Variants in CLEC4C observed in about 807,000 individuals in gnomAD.
CLEC4C encodes C-type lectin domain family 4 member C, also known as C-type (calcium dependent, carbohydrate-recognition domain) lectin, superfamily member 11.
In CLEC4C, 17 loss-of-function variants were observed where a neutral mutation model predicts 27.7. The observed-to-expected ratio is 0.61, with a 90% CI of 0.42 to 0.92. The LOEUF is 0.92. Ranked by LOEUF, CLEC4C falls within the 40% of genes least tolerant of loss-of-function variation. CLEC4C has a pLI of 0.00. For synonymous variants in CLEC4C, 80 were observed against 80.8 expected (o/e 0.99, Z 0.06); for missense variants, 244 against 257.3 (o/e 0.95, Z 0.35).
upstream of CLEC4C, among the ~76,000 whole-genome samples, chr12:7,748,403 G>A (rs1336334295): frequency 6.6e-6 from 1 of 152,074 alleles, no homozygotes; most frequent in African/African-American, 2.4e-5. Flanking sequence ...GTGCATGCCT[G>A]TAGTCCCAGC....
Position 7,741,414 on chromosome 12 carries a change from G to A in CLEC4C, c.235+7C>T, listed in dbSNP as rs746522728. 3 of 1,491,892 alleles carry A rather than the reference G, an allele frequency of 2.0e-6. No individual in the cohort carries two copies. The highest frequency in any genetic ancestry group is 1.4e-5 in the African/African-American group (1 of 73,024). The allele number at this position is 1,491,892 out of a possible 1,614,324, so 92.4% of individuals were successfully genotyped here. A position where few individuals can be genotyped will look rare whatever the true frequency, so the allele number is the denominator to read the frequency against. On this transcript the variant is annotated splice_region_variant and intron_variant, in intron 3 of 5. Transcript: ENST00000360345. ...GGGAAGTCTTGTTGCCCATTGCAGAGTTGTACCTTCTATGTCCTTTCCTTC... is the reference window on the plus strand; with the variant it reads ...GGGAAGTCTTGTTGCCCATTGCAGAATTGTACCTTCTATGTCCTTTCCTTC...
At chr12:7,740,875 C>T (rs1426329031) in intron 3 of CLEC4C, among the ~76,000 whole-genome samples, 3 of 147,876 alleles carry the variant, frequency 2.0e-5, no homozygotes, top group African/African-American at 7.5e-5. Flanking sequence ...GAGTCTCGCT[C>T]TGTCACCCAG....
At position 7,729,559 on chromosome 12, in the gene CLEC4C, T is replaced by G; in HGVS notation, c.*37A>C. On this transcript the variant is annotated 3_prime_UTR_variant, in exon 6 of 6. Transcript: ENST00000360345. The stretch of plus-strand genomic sequence containing the variant: ...CAATTTAGCTTTCTACAACGGTGGA[T>G]GCCAACCCAAACACATTTCCAGGGA... The G allele has an allele frequency of 6.3e-7, 1 of 1,599,102 alleles. No individual in the cohort carries two copies. Among genetic ancestry groups the G allele is most frequent in the Non-Finnish European group, 8.5e-7 (1 of 1,170,090 alleles).
chr12:7,745,319 G>A (rs911855386), intron 2 of CLEC4C, among the ~76,000 whole-genome samples: 1 of 151,580 alleles, frequency 6.6e-6, no homozygotes, highest in Non-Finnish European at 1.5e-5. Flanking sequence ...AAGCCAGGAA[G>A]AGGGACCTCA....
intron 3 of CLEC4C, among the ~76,000 whole-genome samples, chr12:7,739,455 T>A (rs941648882): frequency 6.8e-6 from 1 of 147,352 alleles, no homozygotes; most frequent in African/African-American, 2.5e-5. Flanking sequence ...TGGGTCCATA[T>A]TTCCTTCCTG....
At chr12:7,739,514 TC>T (rs1864805943) in intron 3 of CLEC4C, among the ~76,000 whole-genome samples, 1 of 152,048 alleles carries the variant, frequency 6.6e-6, no homozygotes, top group South Asian at 2.1e-4. Flanking sequence ...CTTGTCTCCC[TC>T]CGGCTCTGCA....
At chr12:7,730,762 A>G (rs1429599034) in intron 5 of CLEC4C, 35 bp downstream of exon 5, 1 of 1,073,920 alleles carries the variant, frequency 9.3e-7, no homozygotes, top group Admixed American at 1.7e-5. Context: ...CTACATGATC[A>G]GGACCCAGTG....
chr12:7,735,669 G>C (rs983239901), intron 4 of CLEC4C, among the ~76,000 whole-genome samples: 1 of 150,858 alleles, frequency 6.6e-6, no homozygotes, highest in African/African-American at 2.4e-5. Context: ...GCCAGGTGTG[G>C]TGGTGGTCGC....
intron 3 of CLEC4C, among the ~76,000 whole-genome samples, chr12:7,740,655 C>G (rs1490644329): frequency 6.6e-6 from 1 of 150,674 alleles, no homozygotes; most frequent in African/African-American, 2.4e-5. Context: ...GAGCCGAGAT[C>G]GCGCCACTGC....
chr12:7,741,162 C>T (rs908823702), intron 3 of CLEC4C, among the ~76,000 whole-genome samples: 7 of 151,990 alleles, frequency 4.6e-5, no homozygotes, highest in African/African-American at 1.2e-4. Context: ...GCGGTTTCTC[C>T]GCATGTTGGT....
chr12:7,746,815 A>G (rs1232461168), intron 1 of CLEC4C, among the ~76,000 whole-genome samples: 1 of 151,814 alleles, frequency 6.6e-6, no homozygotes, highest in Non-Finnish European at 1.5e-5. Flanking sequence ...TCTAGGCCCG[A>G]GTTGTTTTTC....
chr12:7,746,998 A>G (rs1027991190), intron 1 of CLEC4C, among the ~76,000 whole-genome samples: 3 of 151,858 alleles, frequency 2.0e-5, no homozygotes, highest in East Asian at 1.9e-4. Context: ...CTAATTTTCT[A>G]TTTTTAGTAG....
intron 5 of CLEC4C, 72 bp from the exon 6 acceptor site, chr12:7,729,812 T>G (rs1864551962): frequency 2.1e-6 from 3 of 1,442,370 alleles, no homozygotes. Flanking sequence ...GGGAGAGGGC[T>G]AGGGTTAAAC....
At chr12:7,742,800 C>T (rs1311927953) in intron 2 of CLEC4C, among the ~76,000 whole-genome samples, 3 of 148,388 alleles carry the variant, frequency 2.0e-5, no homozygotes, top group African/African-American at 7.5e-5. Context: ...CAGAACGAGA[C>T]TCCATCTCAA....
Position 7,729,599 on chromosome 12 carries a change from T to C in CLEC4C, c.639A>G (p.Ile213Met), listed in dbSNP as rs147980423. The C allele has an allele frequency of 3.1e-6, 5 of 1,613,196 alleles. No homozygotes were observed. The African/African-American group carries it at 6.7e-5, about 22-fold the overall frequency. ...KSICKMKKIY[I>M] ...ATTTCCAGGGAGAATATTTCATTTA[T>C]ATGTAGATCTTCTTCATCTTGCAAA... is the stretch of plus-strand genomic sequence containing the variant. Residue 213 changes from isoleucine to methionine, a missense_variant, in exon 6 of 6, where the codon ATA (isoleucine) becomes ATG (methionine). By Grantham distance (10) the Ile-to-Met change is conservative. Transcript: ENST00000360345.
At chr12:7,747,830 CAG>C (rs1865018378), upstream of CLEC4C, among the ~76,000 whole-genome samples, 2 of 141,962 alleles carry the variant, frequency 1.4e-5, no homozygotes, top group East Asian at 4.2e-4. Context: ...TTAGTAGTGA[CAG>C]GGTTTCATCA....
upstream of CLEC4C, among the ~76,000 whole-genome samples, chr12:7,747,735 G>A (rs1169733206): frequency 2.1e-5 from 3 of 146,088 alleles, no homozygotes; most frequent in East Asian, 2.0e-4. Context: ...TCTGCCTCGC[G>A]GGTTCAAGCG....
upstream of CLEC4C, among the ~76,000 whole-genome samples, chr12:7,748,693 A>G (rs1306061250): frequency 6.6e-6 from 1 of 152,158 alleles, no homozygotes; most frequent in Non-Finnish European, 1.5e-5. Context: ...CCCCTGCCTC[A>G]GGGGTTCTCC....
chr12:7,739,420 C>A (rs1009415178), intron 3 of CLEC4C, among the ~76,000 whole-genome samples: 1 of 151,694 alleles, frequency 6.6e-6, no homozygotes, highest in Non-Finnish European at 1.5e-5. Context: ...CTGTTTCATT[C>A]TTGAAATAAT....
Sources: allele counts gnomAD v4.1 joint callset (sites outside exome capture counted in the v4.1 genomes callset), GRCh38; gene constraint gnomAD v4.1.1; transcripts MANE v1.5; gene names NCBI Gene and HGNC (gene_info 2026-07-23, HGNC 2026-07-21).